ZNF552: variants seen among roughly 807,000 people sequenced by gnomAD.
ZNF552 encodes the protein zinc finger protein 552.
In ZNF552, 2 loss-of-function variants were observed where a neutral mutation model predicts 7.2. That is an observed-to-expected ratio of 0.28 (90% CI 0.11 to 0.88). The LOEUF (loss-of-function observed/expected upper bound fraction) is 0.88. ZNF552 is among the 40% of genes least tolerant of loss of function. ZNF552 has a pLI of 0.60. For synonymous variants in ZNF552, 173 were observed against 176.5 expected, an observed-to-expected ratio of 0.98 and a Z score of 0.16; for missense variants, 421 against 493.4, an observed-to-expected ratio of 0.85 and a Z score of 1.39.
chr19:57,811,715 C>CAAAAAAA (rs1162967437), intron 2 of ZNF552, among the ~76,000 whole-genome samples: 8 of 49,690 alleles, frequency 1.6e-4, no homozygotes, highest in African/African-American at 2.8e-4. Flanking sequence ...AACTCCATCT[C>CAAAAAAA]AAAAAAAAAA....
rs923383482 is a variant in ZNF552, at chr19:57,814,423, CAGG to C, written c.33+285_33+287del. 8 of 1,208,344 alleles carry C rather than the reference CAGG, an allele frequency of 6.6e-6. No homozygotes were observed. In the Admixed American group the frequency reaches 1.1e-4, roughly 16 times the overall value. The allele number at this position is 1,208,344 out of a possible 1,614,324, so 74.9% of individuals were successfully genotyped here. ...ACAGCCCCCAGCCTCCTTGCTTTTC[CAGG>C]AGGAGTTCCGCCTCACAGGTTGTTC... On this transcript the variant is annotated intron_variant, in intron 1 of 2. Coordinates refer to ENST00000391701, the MANE Select transcript of ZNF552 (RefSeq NM_024762.3).
intron 2 of ZNF552, 198 bp from the exon 3 acceptor site, chr19:57,809,301 A>G (rs951393130): frequency 2.3e-6 from 3 of 1,305,004 alleles, no homozygotes; most frequent in African/African-American, 2.9e-5. Flanking sequence ...GCCTCATAAC[A>G]TAAAGGACAC....
chr19:57,808,130 C>G lies in ZNF552; in HGVS notation c.1134G>C (p.Lys378Asn), dbSNP rs1987777084. ...TKHRRVHTGEKPYGCSECEKK... is the reference protein window; with the variant it reads ...TKHRRVHTGENPYGCSECEKK... ...TTTCACATTCACTGCACCCGTAAGGCTTTTCTCCAGTGTGAACTCTCCTGT... is the reference window on the plus strand; with the variant it reads ...TTTCACATTCACTGCACCCGTAAGGGTTTTCTCCAGTGTGAACTCTCCTGT... Residue 378 changes from lysine (K) to asparagine (N), a missense_variant, in exon 3 of 3, where the codon AAG becomes AAC. Lys to Asn is a moderately conservative substitution (Grantham distance 94). This residue lies in a region of ZNF552 where 299 missense variants were observed against 293.7 expected (regional missense o/e 1.02). Transcript: ENST00000391701. 6.8e-6 allele frequency: 11 copies of G among 1,614,166 alleles called. No individual in the cohort carries two copies. Among genetic ancestry groups the G allele is most frequent in the Non-Finnish European group, 6.8e-6 (8 of 1,180,038 alleles).
intron 2 of ZNF552, 81 bp downstream of exon 2, chr19:57,813,213 A>T: frequency 1.3e-6 from 2 of 1,590,644 alleles, no homozygotes; most frequent in Non-Finnish European, 1.7e-6. Flanking sequence ...TGCTCCTGAC[A>T]TGAGAAAGTC....
intron 2 of ZNF552, chr19:57,813,041 G>A: frequency 1.9e-6 from 1 of 540,106 alleles, no homozygotes; most frequent in Non-Finnish European, 3.2e-6. Flanking sequence ...AACATCCACA[G>A]GACAAACAAG....
chr19:57,813,060 C>T (rs979925586), intron 2 of ZNF552: 1 of 577,986 alleles, frequency 1.7e-6, no homozygotes, highest in Non-Finnish European at 2.9e-6. Context: ...AGGTAGCCTG[C>T]ATTAAGTTGC....
intron 2 of ZNF552, among the ~76,000 whole-genome samples, chr19:57,811,890 G>A (rs946224325): frequency 4.6e-5 from 7 of 151,410 alleles, no homozygotes; most frequent in African/African-American, 1.5e-4. Context: ...ATAGCCAGGC[G>A]TGGTGGTGCA....
intron 2 of ZNF552, among the ~76,000 whole-genome samples, chr19:57,811,715 C>CAAG (rs1475656329): frequency 2.0e-5 from 1 of 49,702 alleles, no homozygotes; most frequent in Admixed American, 2.9e-4. Flanking sequence ...AACTCCATCT[C>CAAG]AAAAAAAAAA....
In ZNF552 at chr19:57,814,807, T is replaced by A; in HGVS notation, c.-64A>T. The A allele has an allele frequency of 1.3e-6, 2 of 1,544,092 alleles. No individual in the cohort carries two copies. The highest frequency in any genetic ancestry group is 4.5e-5 in the East Asian group (2 of 44,172). ...GCCGTTAAAGAGCTGCAGAGTCACG[T>A]CTGTGCAAAGAGAAGAACGACTCTC... On this transcript the variant is annotated 5_prime_UTR_variant, in exon 1 of 3. Transcript: ENST00000391701.
rs1181090024 is a variant in ZNF552 at position 57,808,556 on chromosome 19, T to C, written c.708A>G (p.Thr236=). 3.7e-6 allele frequency: 6 copies of C among 1,614,072 alleles called. No homozygotes were observed. The African/African-American group carries it at 5.3e-5, about 14-fold the overall frequency. ...ATTCACACCACACAGAAGGTTCTTC[T>C]GTAGGGAGCAGTCTCTCGTGCTGAC... The part of the protein sequence containing the change: ...ILSQHERLLP[T]EEPSVWCECG... Residue 236 remains threonine, a synonymous_variant, in exon 3 of 3, where the codon ACA becomes ACG. Transcript: ENST00000391701.
chr19:57,808,240 G>T lies in ZNF552; in HGVS notation c.1024C>A (p.His342Asn). 3.1e-6 allele frequency: 5 copies of T among 1,614,134 alleles called. No homozygotes were observed. The South Asian group carries it at 5.5e-5, about 18-fold the overall frequency. The part of the protein sequence containing the change: ...SFTHSSTFRV[H>N]KRVHTGQKPY... The stretch of plus-strand genomic sequence containing the variant: ...TTCTGACCAGTGTGAACTCTCTTAT[G>T]AACACGGAATGTAGAGCTGTGGGTA... Residue 342 changes from histidine to asparagine, a missense_variant, in exon 3 of 3, where the codon CAT becomes AAT. His to Asn is a moderately conservative substitution (Grantham distance 68). This residue lies in a region of ZNF552 where 299 missense variants were observed against 293.7 expected (regional missense o/e 1.02). Transcript: ENST00000391701.
Position 57,808,414 on chromosome 19 carries a change from G to C in ZNF552, c.850C>G (p.Leu284Val). ...CCAGTGTGAATTCTCTGGTGTACAA[G>C]GAGGTGGGACTTACTGTTAAATAAT... is the stretch of plus-strand genomic sequence containing the variant. ...GKLFNSKSHL[L>V]VHQRIHTGEK... The change falls in exon 3 of 3, where the codon CTT (leucine) becomes GTT (valine). Residue 284 changes from leucine (L) to valine (V), a missense_variant. Coordinates refer to ENST00000391701, the MANE Select transcript of ZNF552 (RefSeq NM_024762.3). 1 of 1,613,864 alleles carries C rather than the reference G, an allele frequency of 6.2e-7. No homozygotes were observed. The highest frequency in any genetic ancestry group is 1.3e-5 in the African/African-American group (1 of 74,996).
intron 1 of ZNF552, chr19:57,814,399 C>T: frequency 2.2e-6 from 2 of 918,574 alleles, no homozygotes; most frequent in Non-Finnish European, 3.3e-6. Flanking sequence ...AATGATTTCA[C>T]AGCCCCCAGC....
chr19:57,808,509 T>C lies in ZNF552; in HGVS notation c.755A>G (p.Tyr252Cys). ...TCCTTGATGATTACTGAAGCTGTCATATTTGCTAGAGGATTTCCCACATTC... is the reference window on the plus strand; with the variant it reads ...TCCTTGATGATTACTGAAGCTGTCACATTTGCTAGAGGATTTCCCACATTC... Reference protein sequence around the residue: ...WCECGKSSSKYDSFSNHQGVH... With the variant: ...WCECGKSSSKCDSFSNHQGVH... Residue 252 changes from tyrosine to cysteine, a missense_variant, in exon 3 of 3, where the codon TAT becomes TGT. Coordinates refer to ENST00000391701, the MANE Select transcript of ZNF552 (RefSeq NM_024762.3). 2 of 1,613,972 alleles carry C rather than the reference T, an allele frequency of 1.2e-6. No individual in the cohort carries two copies. The highest frequency in any genetic ancestry group is 2.7e-5 in the African/African-American group (2 of 75,054).
At chr19:57,810,585 T>G (rs541057408) in intron 2 of ZNF552, among the ~76,000 whole-genome samples, 10 of 152,204 alleles carry the variant, frequency 6.6e-5, no homozygotes, top group Middle Eastern at 3.4e-3. Flanking sequence ...TCATCACTAC[T>G]CCCTACTCTC....
chr19:57,812,243 A>C (rs575142849), intron 2 of ZNF552, among the ~76,000 whole-genome samples: 2 of 152,168 alleles, frequency 1.3e-5, no homozygotes, highest in Non-Finnish European at 2.9e-5. Context: ...TGAAGGAGAA[A>C]AGACGATACA....
In ZNF552 at chr19:57,814,701, C is replaced by G; in HGVS notation, c.33+10G>C. 6.2e-7 allele frequency: 1 copy of G among 1,614,124 alleles called. No individual in the cohort carries two copies. Among genetic ancestry groups the G allele is most frequent in the South Asian group, 1.1e-5 (1 of 91,082 alleles). ...AGGTGACCGGAGAGCACGGAAGGCGCCACAATTACCTGAACGGGGAACCTT... is the reference window on the plus strand; with the variant it reads ...AGGTGACCGGAGAGCACGGAAGGCGGCACAATTACCTGAACGGGGAACCTT... On this transcript the variant is annotated intron_variant, in intron 1 of 2. Transcript: ENST00000391701.
intron 2 of ZNF552, among the ~76,000 whole-genome samples, chr19:57,809,900 C>G (rs1432259984): frequency 2.0e-5 from 3 of 152,122 alleles, no homozygotes; most frequent in Admixed American, 6.5e-5. Context: ...AAAGGGATCA[C>G]TCAGGCCCAG....
In ZNF552 at chr19:57,808,660, C is replaced by G. The variant is rs1318231958; in HGVS notation, c.604G>C (p.Val202Leu). 1.2e-6 allele frequency: 2 copies of G among 1,614,210 alleles called. No individual in the cohort carries two copies. Residue 202 changes from valine (V) to leucine (L), a missense_variant, in exon 3 of 3, where the codon GTG (valine) becomes CTG (leucine). Physicochemically the swap from Val to Leu is conservative, Grantham distance 32. Around this residue, in one of 2 missense-constraint regions of ZNF552, gnomAD observed 299 missense variants for 293.7 expected, o/e 1.02. Transcript: ENST00000391701. ...TGKSNSKTEC[V>L]SLFHGGKSHY... ...CTTTTTCCCCCATGAAACAGAGACA[C>G]ACACTCAGTTTTGCTGTTTGACTTC...
Sources: gnomAD v4.1 joint callset for allele counts (sites outside exome capture counted in the v4.1 genomes callset) on GRCh38, gnomAD v4.1.1 for gene constraint, gnomAD v4.1.1 regional missense constraint, MANE v1.5 for transcripts, NCBI Gene and HGNC (gene_info 2026-07-23, HGNC 2026-07-21) for gene names.